Variants in AUTS2 observed in about 807,000 individuals in gnomAD.
AUTS2 encodes the protein autism susceptibility gene 2 protein.
In AUTS2, 17 loss-of-function variants were observed where a neutral mutation model predicts 112.4. The ratio of observed to expected loss-of-function variants is 0.15; its 90% confidence interval spans 0.10 to 0.23. The LOEUF (loss-of-function observed/expected upper bound fraction) is 0.23, where lower values mean the gene tolerates loss of function less well. AUTS2 is among the 10% of genes least tolerant of loss of function. AUTS2 has a pLI of 1.00. For missense variants in AUTS2, 1,510 were observed against 1,701.6 expected (o/e 0.89, Z 1.98); for synonymous variants, 751 against 702.7 (o/e 1.07, Z -1.09).
At chr7:69,832,488 C>T (rs1791547704) in intron 1 of AUTS2, among the ~76,000 whole-genome samples, 1 of 152,154 alleles carries the variant, frequency 6.6e-6, no homozygotes, top group Admixed American at 6.5e-5. Flanking sequence ...GAGCACTAGT[C>T]AACTGGTAAG....
intron 2 of AUTS2, among the ~76,000 whole-genome samples, chr7:69,948,147 A>G (rs1317072252): frequency 1.3e-5 from 2 of 152,216 alleles, no homozygotes; most frequent in East Asian, 3.9e-4. Flanking sequence ...GCCCAGCGGT[A>G]GCCCAGTTGC....
In AUTS2 at chr7:69,857,899, G is replaced by A. The variant is rs181886965; in HGVS notation, c.310-41387G>A. On this transcript the variant is annotated intron_variant, in intron 1 of 18. Coordinates refer to ENST00000342771, the MANE Select transcript of AUTS2 (RefSeq NM_015570.4). ...ATTTTTCTCATTGGCTCTGATTAAG[G>A]GGATATCCAGCCAATAACCGTAGCA... is the stretch of plus-strand genomic sequence containing the variant. Among the ~76,000 whole-genome samples the A allele has an allele frequency of 1.8e-3, 270 of 152,258 alleles. 1 individual carries two copies. The highest frequency in any genetic ancestry group is 6.3e-3 in the African/African-American group (262 of 41,562).
chr7:70,303,446 A>G (rs1217111839), intron 4 of AUTS2, among the ~76,000 whole-genome samples: 1 of 150,616 alleles, frequency 6.6e-6, no homozygotes, highest in Non-Finnish European at 1.5e-5. Flanking sequence ...ACATACACAC[A>G]CACACACACA....
chr7:69,855,033 C>A (rs1303767289), intron 1 of AUTS2, among the ~76,000 whole-genome samples: 2 of 152,184 alleles, frequency 1.3e-5, no homozygotes, highest in African/African-American at 4.8e-5. Context: ...TTGATGAATG[C>A]TTTCCTTCTC....
At chr7:70,496,849 T>TCA (rs1245890026) in intron 5 of AUTS2, among the ~76,000 whole-genome samples, 59 of 67,718 alleles carry the variant, frequency 8.7e-4, no homozygotes, top group African/African-American at 3.1e-3. Context: ...ACGTACACAG[T>TCA]CACACACACA....
intron 1 of AUTS2, among the ~76,000 whole-genome samples, chr7:69,666,730 C>T (rs1796063643): frequency 6.6e-6 from 1 of 151,860 alleles, no homozygotes; most frequent in East Asian, 1.9e-4. Context: ...AGCAAGACTC[C>T]CATCTTGACA....
At chr7:70,050,368 A>AAT (rs1279084307) in intron 2 of AUTS2, among the ~76,000 whole-genome samples, 1 of 150,896 alleles carries the variant, frequency 6.6e-6, no homozygotes, top group Non-Finnish European at 1.5e-5. Context: ...AAAAAAAAAA[A>AAT]AAAAAAAAAA....
intron 7 of AUTS2, among the ~76,000 whole-genome samples, chr7:70,764,499 A>G (rs1465828620): frequency 6.6e-6 from 1 of 152,028 alleles, no homozygotes; most frequent in Non-Finnish European, 1.5e-5. Flanking sequence ...AGGCAGAATG[A>G]GCTGTCTCGA....
chr7:70,266,882 A>G (rs1787452547), intron 4 of AUTS2, among the ~76,000 whole-genome samples: 1 of 152,232 alleles, frequency 6.6e-6, no homozygotes, highest in South Asian at 2.1e-4. Flanking sequence ...ATGCAGAAAC[A>G]AATCTGCACT....
intron 4 of AUTS2, among the ~76,000 whole-genome samples, chr7:70,364,057 T>C (rs1163138729): frequency 6.6e-6 from 1 of 152,232 alleles, no homozygotes; most frequent in Non-Finnish European, 1.5e-5. Flanking sequence ...TAATCTGTTC[T>C]GTTTTTATTT....
At chr7:69,802,905 T>C (rs1790145965) in intron 1 of AUTS2, among the ~76,000 whole-genome samples, 1 of 152,216 alleles carries the variant, frequency 6.6e-6, no homozygotes, top group Non-Finnish European at 1.5e-5. Flanking sequence ...TCTGTTTATA[T>C]TGACAGTTCT....
chr7:69,809,818 A>G (rs1475104830), intron 1 of AUTS2, among the ~76,000 whole-genome samples: 1 of 152,158 alleles, frequency 6.6e-6, no homozygotes, highest in Non-Finnish European at 1.5e-5. Context: ...ATATTTATTG[A>G]ACACCCCGGA....
At chr7:69,632,659 A>C (rs867113517) in intron 1 of AUTS2, among the ~76,000 whole-genome samples, 16 of 137,906 alleles carry the variant, frequency 1.2e-4, no homozygotes, top group Admixed American at 5.5e-4. Flanking sequence ...CTCTTTCCTT[A>C]ATTTTCTTTT....
chr7:70,363,794 T>C (rs1328554688), intron 4 of AUTS2, among the ~76,000 whole-genome samples: 5 of 152,204 alleles, frequency 3.3e-5, no homozygotes, highest in Admixed American at 6.5e-5. Flanking sequence ...TCAAATAACA[T>C]TTTTTCCTAA....
intron 1 of AUTS2, among the ~76,000 whole-genome samples, chr7:69,648,451 C>T (rs1433010660): frequency 2.8e-5 from 4 of 142,664 alleles, no homozygotes; most frequent in Admixed American, 6.9e-5. Context: ...AATTCAGTAA[C>T]TTTAAAAAAA....
chr7:69,705,764 T>C (rs1279161748), intron 1 of AUTS2, among the ~76,000 whole-genome samples: 2 of 152,178 alleles, frequency 1.3e-5, no homozygotes, highest in African/African-American at 2.4e-5. Context: ...TTCTCTCAGC[T>C]CTGGAGGCTA....
At chr7:70,427,745 C>CT (rs1296766046) in intron 4 of AUTS2, among the ~76,000 whole-genome samples, 1 of 152,164 alleles carries the variant, frequency 6.6e-6, no homozygotes, top group Non-Finnish European at 1.5e-5. Flanking sequence ...GTGTTATTAT[C>CT]TGAGACACTG....
At chr7:69,732,150 A>G (rs963915278) in intron 1 of AUTS2, among the ~76,000 whole-genome samples, 2 of 152,114 alleles carry the variant, frequency 1.3e-5, no homozygotes, top group African/African-American at 4.8e-5. Context: ...TTTGGGGGCT[A>G]GTTGTCATGC....
Position 70,459,613 on chromosome 7 carries a change from A to C in AUTS2, c.690+23832A>C, listed in dbSNP as rs115738812. 6.0e-3 allele frequency among the ~76,000 whole-genome samples: 921 copies of C among 152,330 alleles called. 7 individuals are homozygous for C. Among genetic ancestry groups the C allele is most frequent in the African/African-American group, 0.021 (854 of 41,570 alleles). ...GGAAACCATCTCAGAGTGTAACCTA[A>C]GTCTAAACTCAGACAAGGCACTGTG... On this transcript the variant is annotated intron_variant, in intron 5 of 18. Transcript: ENST00000342771.
Sources: allele counts gnomAD v4.1 joint callset (sites outside exome capture counted in the v4.1 genomes callset), GRCh38; gene constraint gnomAD v4.1.1; transcripts MANE v1.5; gene names NCBI Gene and HGNC (gene_info 2026-07-23, HGNC 2026-07-21).